ARHGAP10: variants seen among roughly 807,000 people sequenced by gnomAD.
ARHGAP10 encodes the protein rho GTPase-activating protein 10.
In ARHGAP10, 87 loss-of-function variants were observed where a neutral mutation model predicts 108.6. The observed-to-expected ratio is 0.80, with a 90% CI of 0.67 to 0.96. The LOEUF (loss-of-function observed/expected upper bound fraction) is 0.96, where lower values mean the gene tolerates loss of function less well. Among genes scored for constraint, ARHGAP10 ranks in the 40% least tolerant of loss-of-function variants. The probability of loss-of-function intolerance (pLI) is 0.00; values close to 1 mark genes in which losing one functional copy is unlikely to be tolerated. For missense variants in ARHGAP10, 939 were observed against 954.5 expected, an observed-to-expected ratio of 0.98 and a Z score of 0.21; for synonymous variants, 347 against 341.1, an observed-to-expected ratio of 1.02 and a Z score of -0.19.
chr4:148,042,200 T>C (rs983442751), intron 19 of ARHGAP10, among the ~76,000 whole-genome samples: 5 of 152,210 alleles, frequency 3.3e-5, no homozygotes, highest in Non-Finnish European at 5.9e-5. Flanking sequence ...TCCTAAGCCA[T>C]GAACCTGAGG....
chr4:148,009,969 A>T (rs1741107251), intron 18 of ARHGAP10, among the ~76,000 whole-genome samples: 1 of 152,218 alleles, frequency 6.6e-6, no homozygotes, highest in Admixed American at 6.5e-5. Context: ...TAGAGTGAAT[A>T]TATACCTTGA....
intron 3 of ARHGAP10, among the ~76,000 whole-genome samples, chr4:147,843,245 A>G (rs1287847893): frequency 6.6e-6 from 1 of 152,186 alleles, no homozygotes; most frequent in African/African-American, 2.4e-5. Flanking sequence ...GATTCTTCAC[A>G]TGGGCATTTA....
chr4:147,824,741 GCCACCCCCATGATCCAATTACCT>G (rs373793541), intron 3 of ARHGAP10, among the ~76,000 whole-genome samples: 137 of 152,238 alleles, frequency 9.0e-4, no homozygotes, highest in African/African-American at 3.0e-3. Flanking sequence ...CATGGGGGAA[GCCACCCCCATGATCCAATTACCT>G]CCACCTGGTC....
intron 18 of ARHGAP10, among the ~76,000 whole-genome samples, chr4:148,009,174 C>T (rs1478461756): frequency 6.7e-6 from 1 of 150,316 alleles, no homozygotes; most frequent in African/African-American, 2.5e-5. Flanking sequence ...CTTTGTCGCT[C>T]AGCTGGAGTG....
intron 18 of ARHGAP10, among the ~76,000 whole-genome samples, chr4:147,969,414 C>T (rs1369454006): frequency 1.4e-5 from 2 of 144,442 alleles, no homozygotes; most frequent in African/African-American, 5.2e-5. Context: ...CATTAGTGTG[C>T]ACTAAGCCAT....
At position 147,857,598 on chromosome 4, in the gene ARHGAP10, CTAAT is replaced by C; in HGVS notation, c.432_435del (p.Asp146AsnfsTer3). 6.8e-7 allele frequency: 1 copy of C among 1,480,612 alleles called. No homozygotes were observed. Among genetic ancestry groups the C allele is most frequent in the Non-Finnish European group, 9.0e-7 (1 of 1,116,712 alleles). The allele number at this position is 1,480,612 out of a possible 1,614,324, so 91.7% of individuals were successfully genotyped here. A position where few individuals can be genotyped will look rare whatever the true frequency, so the allele number is the denominator to read the frequency against. On this transcript the variant is annotated frameshift_variant, in exon 5 of 23. Coordinates refer to ENST00000336498, the MANE Select transcript of ARHGAP10 (RefSeq NM_024605.4). LOFTEE classifies it high-confidence loss of function. ...CAAAGAGACAGAAAAGAATTATAGT[CTAAT>C]TGATAAACATTTGAATTTATCAGCA... is the stretch of plus-strand genomic sequence containing the variant.
intron 18 of ARHGAP10, among the ~76,000 whole-genome samples, chr4:147,975,488 C>T (rs1418637613): frequency 6.6e-6 from 1 of 152,158 alleles, no homozygotes; most frequent in African/African-American, 2.4e-5. Context: ...TCATTTCTTA[C>T]AGTTGCATAA....
At chr4:147,766,248 C>T (rs2126711817) in intron 1 of ARHGAP10, among the ~76,000 whole-genome samples, 1 of 152,210 alleles carries the variant, frequency 6.6e-6, no homozygotes, top group South Asian at 2.1e-4. Context: ...TGAGATCATG[C>T]CACTGCCCTC....
intron 3 of ARHGAP10, among the ~76,000 whole-genome samples, chr4:147,840,131 G>A (rs916429580): frequency 1.3e-5 from 2 of 152,020 alleles, no homozygotes; most frequent in African/African-American, 4.8e-5. Context: ...GGTATTCCTG[G>A]TCATGGGTCA....
intron 1 of ARHGAP10, among the ~76,000 whole-genome samples, chr4:147,761,137 C>G (rs1729571660): frequency 6.6e-6 from 1 of 151,834 alleles, no homozygotes; most frequent in Non-Finnish European, 1.5e-5. Context: ...CTGCCTCAGC[C>G]TCCCGAGTAG....
At chr4:147,877,036 G>T (rs536637677) in intron 8 of ARHGAP10, among the ~76,000 whole-genome samples, 75 of 152,300 alleles carry the variant, frequency 4.9e-4, no homozygotes, top group African/African-American at 1.7e-3. Context: ...TCATTAGTGT[G>T]TATGCCCAGA....
chr4:148,067,826 T>G (rs1729964414), intron 22 of ARHGAP10, among the ~76,000 whole-genome samples: 1 of 152,310 alleles, frequency 6.6e-6, no homozygotes, highest in African/African-American at 2.4e-5. Context: ...CACAGGGGTC[T>G]TTAGCAATTG....
At chr4:148,029,367 A>G (rs532817806) in intron 19 of ARHGAP10, among the ~76,000 whole-genome samples, 23 of 152,330 alleles carry the variant, frequency 1.5e-4, no homozygotes, top group African/African-American at 5.1e-4. Flanking sequence ...TGCACTCTGT[A>G]ATCTCAGCTC....
intron 18 of ARHGAP10, among the ~76,000 whole-genome samples, chr4:148,010,004 A>T (rs1035032958): frequency 4.6e-5 from 7 of 152,178 alleles, no homozygotes; most frequent in African/African-American, 1.4e-4. Flanking sequence ...TAATTTTTGA[A>T]ATTAAATTTC....
chr4:147,781,963 A>T (rs1009785824), intron 1 of ARHGAP10, among the ~76,000 whole-genome samples: 3 of 152,068 alleles, frequency 2.0e-5, no homozygotes, highest in Non-Finnish European at 4.4e-5. Flanking sequence ...GTTGAGTTTC[A>T]TTGATTTCTG....
At chr4:147,981,625 G>C (rs1010878813) in intron 18 of ARHGAP10, among the ~76,000 whole-genome samples, 2 of 152,188 alleles carry the variant, frequency 1.3e-5, no homozygotes, top group African/African-American at 2.4e-5. Context: ...TTCTGCCTCT[G>C]TGATGTGTCT....
intron 8 of ARHGAP10, among the ~76,000 whole-genome samples, chr4:147,878,829 C>T (rs1239060318): frequency 8.7e-5 from 12 of 137,840 alleles, no homozygotes; most frequent in South Asian, 6.7e-4. Context: ...CAGGCTGGAG[C>T]GCAGTGGCGC....
intron 20 of ARHGAP10, among the ~76,000 whole-genome samples, chr4:148,055,039 C>T (rs1729302500): frequency 6.6e-6 from 1 of 152,226 alleles, no homozygotes; most frequent in Non-Finnish European, 1.5e-5. Context: ...TTCTGTTCAA[C>T]TAGCAAGCTA....
chr4:147,883,285 C>T (rs1735408403), intron 10 of ARHGAP10, among the ~76,000 whole-genome samples: 1 of 152,196 alleles, frequency 6.6e-6, no homozygotes, highest in Non-Finnish European at 1.5e-5. Flanking sequence ...GGTCTCAAAA[C>T]TCCTGGACTC....
Sources: gnomAD v4.1 joint callset for allele counts (sites outside exome capture counted in the v4.1 genomes callset) on GRCh38, gnomAD v4.1.1 for gene constraint, MANE v1.5 for transcripts, NCBI Gene and HGNC (gene_info 2026-07-23, HGNC 2026-07-21) for gene names.